The following PALLD variants were observed in gnomAD, a reference collection of about 807,000 sequenced individuals.
PALLD encodes the protein palladin, cytoskeletal associated protein, also known as palladin.
Under a neutral mutation model 123.5 loss-of-function variants are expected in PALLD, and 61 were observed. That is an observed-to-expected ratio of 0.49 (90% confidence interval 0.40 to 0.61). PALLD has a LOEUF of 0.61. PALLD is among the 20% of genes least tolerant of loss of function. The probability of loss-of-function intolerance (pLI) is 0.00; values close to 1 mark genes in which losing one functional copy is unlikely to be tolerated. For synonymous variants in PALLD, 465 were observed against 496.4 expected, an observed-to-expected ratio of 0.94 and a Z score of 0.84; for missense variants, 1,273 against 1,377.0, an observed-to-expected ratio of 0.92 and a Z score of 1.20.
chr4:168,869,031 C>T lies in PALLD; in HGVS notation c.1965-21891C>T, dbSNP rs1750723973. Among the ~76,000 whole-genome samples, 2 of 152,262 alleles carry T rather than the reference C, an allele frequency of 1.3e-5. No individual in the cohort carries two copies. Among genetic ancestry groups the T allele is most frequent in the South Asian group, 2.1e-4 (1 of 4,814 alleles). On this transcript the variant is annotated intron_variant, in intron 10 of 21. Coordinates refer to ENST00000505667, the MANE Select transcript of PALLD (RefSeq NM_001166108.2). The surrounding 1 kb of genome is among the most constrained non-coding windows in gnomAD (Gnocchi z 4.5). Reference sequence around the variant, plus strand: ...CTGCCTGGAACATGATGGAGCGCCTCACAGATGCCAGATTAGGAGCTGCAT... The same window carrying T: ...CTGCCTGGAACATGATGGAGCGCCTTACAGATGCCAGATTAGGAGCTGCAT...
chr4:168,815,731 C>G (rs114368777), intron 10 of PALLD, among the ~76,000 whole-genome samples: 1 of 152,208 alleles, frequency 6.6e-6, no homozygotes, highest in Non-Finnish European at 1.5e-5. Flanking sequence ...GGAATTAACA[C>G]GGTGGACGAG....
chr4:168,882,917 C>A lies in PALLD; in HGVS notation c.1965-8005C>A, dbSNP rs138653396. Among the ~76,000 whole-genome samples, 730 of 152,120 alleles carry A rather than the reference C, an allele frequency of 4.8e-3. 7 individuals carry two copies. Among genetic ancestry groups the A allele is most frequent in the Admixed American group, 5.5e-3 (84 of 15,278 alleles). ...TCATCCTGGCCAACATGGTGAAACA[C>A]CATCTCTACTAAAATACAAAAAATT... On this transcript the variant is annotated intron_variant, in intron 10 of 21. Coordinates refer to ENST00000505667, the MANE Select transcript of PALLD (RefSeq NM_001166108.2).
At chr4:168,904,131 A>G in intron 15 of PALLD, 1 of 542,132 alleles carries the variant, frequency 1.8e-6, no homozygotes, top group Non-Finnish European at 3.3e-6. Flanking sequence ...CACAAATATT[A>G]TTAAGGGTCT....
At chr4:168,709,618 A>G (rs75509363) in intron 9 of PALLD, among the ~76,000 whole-genome samples, 3 of 52 alleles carry the variant, frequency 0.058, 1 homozygote, top group African/African-American at 0.094. Flanking sequence ...GAGGGAAGGA[A>G]GGAAGGAAGG....
chr4:168,551,201 G>A (rs550030246), intron 2 of PALLD, among the ~76,000 whole-genome samples: 1 of 152,002 alleles, frequency 6.6e-6, no homozygotes, highest in African/African-American at 2.4e-5. Context: ...CTATTTTTAT[G>A]TGCATTTTTG....
chr4:168,793,232 T>C (rs1192858883), intron 10 of PALLD, among the ~76,000 whole-genome samples: 3 of 22,308 alleles, frequency 1.3e-4, no homozygotes, highest in Admixed American at 5.3e-4. Context: ...TGCATATATA[T>C]ACATATATAT....
intron 2 of PALLD, among the ~76,000 whole-genome samples, chr4:168,626,553 C>A: frequency 6.6e-6 from 1 of 151,260 alleles, no homozygotes. Flanking sequence ...TCTATTAAAA[C>A]TACAAAACTT....
At chr4:168,909,759 T>C (rs1367309504) in intron 15 of PALLD, among the ~76,000 whole-genome samples, 1 of 152,176 alleles carries the variant, frequency 6.6e-6, no homozygotes, top group Non-Finnish European at 1.5e-5. Flanking sequence ...TTATTGCTAA[T>C]TCTATATGAC....
chr4:168,810,292 T>C (rs1226508519), intron 10 of PALLD, among the ~76,000 whole-genome samples: 1 of 152,100 alleles, frequency 6.6e-6, no homozygotes, highest in African/African-American at 2.4e-5. Flanking sequence ...AGCCAGGTCA[T>C]TGAAAGATGT....
At chr4:168,812,493 G>T (rs1485997095) in intron 10 of PALLD, among the ~76,000 whole-genome samples, 3 of 152,140 alleles carry the variant, frequency 2.0e-5, no homozygotes, top group South Asian at 4.1e-4. Context: ...CAGGGAGTTG[G>T]GCAGAAAGTT....
At chr4:168,796,888 A>C (rs978115097) in intron 10 of PALLD, among the ~76,000 whole-genome samples, 3 of 152,202 alleles carry the variant, frequency 2.0e-5, no homozygotes, top group African/African-American at 7.2e-5. Flanking sequence ...CTTAGCTAGA[A>C]GGAGCAAAGT....
chr4:168,536,627 C>T (rs545083114), intron 2 of PALLD: 3 of 152,112 alleles, frequency 2.0e-5, no homozygotes, highest in South Asian at 2.1e-4. Context: ...TCAAGCAAAG[C>T]GAGGAAGAGC....
At chr4:168,605,246 G>A (rs949250241) in intron 2 of PALLD, among the ~76,000 whole-genome samples, 1 of 88,602 alleles carries the variant, frequency 1.1e-5, no homozygotes, top group African/African-American at 6.6e-5. Flanking sequence ...AAATTCATTT[G>A]GGGGATTAAA....
chr4:168,617,641 T>C (rs1774356917), intron 2 of PALLD, among the ~76,000 whole-genome samples: 1 of 152,146 alleles, frequency 6.6e-6, no homozygotes, highest in Non-Finnish European at 1.5e-5. Flanking sequence ...GGGCCCTCAC[T>C]TTTTCGTGTG....
intron 3 of PALLD, among the ~76,000 whole-genome samples, chr4:168,676,564 T>C (rs965808497): frequency 1.3e-5 from 2 of 149,038 alleles, no homozygotes; most frequent in Non-Finnish European, 3.0e-5. Context: ...CTTATATGTA[T>C]TAATTATATA....
At chr4:168,549,792 G>A (rs1481682900) in intron 2 of PALLD, among the ~76,000 whole-genome samples, 1 of 151,776 alleles carries the variant, frequency 6.6e-6, no homozygotes, top group Non-Finnish European at 1.5e-5. Context: ...AAAAAAATGA[G>A]AGTTAGAATT....
intron 10 of PALLD, among the ~76,000 whole-genome samples, chr4:168,849,765 A>C (rs1372225636): frequency 6.7e-6 from 1 of 148,294 alleles, no homozygotes; most frequent in East Asian, 1.9e-4. Flanking sequence ...AAAAAAAAAA[A>C]AACACTGACC....
Position 168,926,367 on chromosome 4 carries a change from A to G in PALLD, c.*187A>G, listed in dbSNP as rs1177108180. ...ACCTGACACTGAATACTGCCTTGGT[A>G]GAAAGTGAGGACCTGTAATCCAGCA... On this transcript the variant is annotated 3_prime_UTR_variant, in exon 22 of 22. Coordinates refer to ENST00000505667, the MANE Select transcript of PALLD (RefSeq NM_001166108.2). 5.2e-6 allele frequency: 8 copies of G among 1,537,200 alleles called. No individual in the cohort carries two copies. The highest frequency in any genetic ancestry group is 7.0e-6 in the Non-Finnish European group (8 of 1,146,724).
chr4:168,795,836 G>A lies in PALLD; in HGVS notation c.1964+83913G>A, dbSNP rs191743145. Among the ~76,000 whole-genome samples the A allele has an allele frequency of 8.6e-4, 129 of 150,124 alleles. 1 individual carries two copies. Among genetic ancestry groups the A allele is most frequent in the South Asian group, 2.1e-4 (1 of 4,754 alleles). On this transcript the variant is annotated intron_variant, in intron 10 of 21. Coordinates refer to ENST00000505667, the MANE Select transcript of PALLD (RefSeq NM_001166108.2). ...GAATTCTCCCCCCTCAAACTCCCCC[G>A]TAGCTGTGACCACAGGCAAGCACCA...
Sources: allele counts gnomAD v4.1 joint callset (sites outside exome capture counted in the v4.1 genomes callset), GRCh38; gene constraint gnomAD v4.1.1; non-coding constraint Gnocchi (gnomAD v3.1); transcripts MANE v1.5; gene names NCBI Gene and HGNC (gene_info 2026-07-23, HGNC 2026-07-21).